TMEM131: variants seen among roughly 807,000 people sequenced by gnomAD.
The protein encoded by TMEM131 is 2610524E03Rik.
Under a neutral mutation model 211.6 loss-of-function variants are expected in TMEM131, and 66 were observed. The ratio of observed to expected loss-of-function variants is 0.31; its 90% confidence interval spans 0.26 to 0.38. The LOEUF is 0.38. Ranked by LOEUF, TMEM131 falls within the 10% of genes least tolerant of loss-of-function variation. TMEM131 has a pLI of 1.00. For synonymous variants in TMEM131, 844 were observed against 841.3 expected, an observed-to-expected ratio of 1.00 and a Z score of -0.06; for missense variants, 2,036 against 2,299.3, an observed-to-expected ratio of 0.89 and a Z score of 2.34.
At chr2:97,803,292 A>T (rs978507173) in intron 22 of TMEM131, among the ~76,000 whole-genome samples, 9 of 152,220 alleles carry the variant, frequency 5.9e-5, no homozygotes, top group African/African-American at 2.2e-4. Flanking sequence ...TGCTTGGCAT[A>T]TGGCTTTTTT....
chr2:97,798,094 T>A (rs1168330516), intron 25 of TMEM131, among the ~76,000 whole-genome samples: 1 of 152,276 alleles, frequency 6.6e-6, no homozygotes, highest in African/African-American at 2.4e-5. Context: ...ACATTTCTCC[T>A]TGAATCTTAT....
chr2:97,796,553 A>G, intron 27 of TMEM131, 149 bp from the exon 28 acceptor site: 1 of 665,780 alleles, frequency 1.5e-6, no homozygotes, highest in Non-Finnish European at 2.5e-6. Flanking sequence ...CTCAGATTTC[A>G]TCATGAGGTA....
intron 1 of TMEM131, among the ~76,000 whole-genome samples, chr2:97,943,016 GAAAAGAAAAGAAAAGAAAAGAA>G (rs1422737548): frequency 9.7e-6 from 1 of 103,196 alleles, no homozygotes; most frequent in East Asian, 3.1e-4. Context: ...AGAAAGAAAA[GAAAAGAAAAGAAAAGAAAAGAA>G]AAGAAAGAAA....
At chr2:97,809,331 A>T (rs1681447087) in intron 19 of TMEM131, among the ~76,000 whole-genome samples, 1 of 152,084 alleles carries the variant, frequency 6.6e-6, no homozygotes, top group Non-Finnish European at 1.5e-5. Context: ...CCCTAGATTC[A>T]CGTCTCTGCC....
At chr2:97,869,991 T>C (rs1674427849) in intron 4 of TMEM131, among the ~76,000 whole-genome samples, 1 of 152,216 alleles carries the variant, frequency 6.6e-6, no homozygotes, top group South Asian at 2.1e-4. Flanking sequence ...AAAATTCGGG[T>C]TGCTTTCAGT....
chr2:97,991,420 T>C (rs1362439678), intron 1 of TMEM131, among the ~76,000 whole-genome samples: 1 of 152,108 alleles, frequency 6.6e-6, no homozygotes, highest in Non-Finnish European at 1.5e-5. Flanking sequence ...AAAGAGGATG[T>C]AACAGGCACT....
intron 5 of TMEM131, among the ~76,000 whole-genome samples, chr2:97,845,140 C>T (rs1390662117): frequency 6.8e-6 from 1 of 148,096 alleles, no homozygotes; most frequent in East Asian, 2.2e-4. Flanking sequence ...AGAATAATTA[C>T]AATAATTCAC....
At chr2:97,978,453 G>A (rs1211506233) in intron 1 of TMEM131, among the ~76,000 whole-genome samples, 2 of 152,138 alleles carry the variant, frequency 1.3e-5, no homozygotes, top group Non-Finnish European at 2.9e-5. Flanking sequence ...CCAGGCTGGA[G>A]TGCTTACTGC....
At chr2:97,781,091 A>AGCTCTTCT (rs1461245744) in intron 31 of TMEM131, among the ~76,000 whole-genome samples, 1 of 152,132 alleles carries the variant, frequency 6.6e-6, no homozygotes, top group Non-Finnish European at 1.5e-5. Context: ...CTGGACATGA[A>AGCTCTTCT]GCTCTTCTGC....
chr2:97,944,051 C>T (rs1677921258), intron 1 of TMEM131, among the ~76,000 whole-genome samples: 1 of 152,094 alleles, frequency 6.6e-6, no homozygotes, highest in South Asian at 2.1e-4. Context: ...CACTGCACTC[C>T]AGCCTGGCGA....
At chr2:97,822,685 G>A (rs923706925) in intron 11 of TMEM131, among the ~76,000 whole-genome samples, 1 of 152,122 alleles carries the variant, frequency 6.6e-6, no homozygotes, top group East Asian at 1.9e-4. Context: ...TGTGGTCTAG[G>A]AGGAAAACTA....
intron 6 of TMEM131, among the ~76,000 whole-genome samples, chr2:97,842,678 A>G (rs944986219): frequency 3.9e-5 from 6 of 152,124 alleles, no homozygotes; most frequent in African/African-American, 1.4e-4. Context: ...ATTTGGTGAA[A>G]GACTAGATGT....
chr2:97,812,032 C>T lies in TMEM131; in HGVS notation c.1863+389G>A, dbSNP rs187157378. 5.0e-4 allele frequency among the ~76,000 whole-genome samples: 76 copies of T among 152,288 alleles called. 1 individual carries two copies. The highest frequency in any genetic ancestry group is 1.8e-3 in the African/African-American group (75 of 41,562). On this transcript the variant is annotated intron_variant, in intron 17 of 40. Coordinates refer to ENST00000186436, the MANE Select transcript of TMEM131 (RefSeq NM_015348.2). ...CACTGATACTGAGGCAGTATCTGGA[C>T]AGACGTATTATTGCATAATTGAAAA...
intron 11 of TMEM131, among the ~76,000 whole-genome samples, chr2:97,821,616 G>A (rs1047250705): frequency 8.5e-5 from 13 of 152,154 alleles, no homozygotes; most frequent in African/African-American, 1.4e-4. Flanking sequence ...AAGAAATTCC[G>A]GACACATTTT....
chr2:97,968,728 T>C (rs1021995023), intron 1 of TMEM131, among the ~76,000 whole-genome samples: 4 of 152,138 alleles, frequency 2.6e-5, no homozygotes, highest in Non-Finnish European at 5.9e-5. Flanking sequence ...ATCCAGAAGA[T>C]TATACTCCTT....
In TMEM131 at chr2:97,927,490, G is replaced by A; in HGVS notation, c.188-3C>T. 2 of 1,564,924 alleles carry A rather than the reference G, an allele frequency of 1.3e-6. No homozygotes were observed. Among genetic ancestry groups the A allele is most frequent in the African/African-American group, 1.4e-5 (1 of 73,426 alleles). ...TATGCTCTCTGACTGAACGAATGCT[G>A]TGAAGAAAACAAAACATACCATCAC... On this transcript the variant is annotated splice_polypyrimidine_tract_variant and splice_region_variant and intron_variant, in intron 1 of 40. Transcript: ENST00000186436.
rs1559464422 is a variant in TMEM131 at position 97,943,037 on chromosome 2, A to AAAAGAAAAGAAAAGAAAAG, written c.188-15551_188-15550insCTTTTCTTTTCTTTTCTTT. Among the ~76,000 whole-genome samples, 47 of 66,042 alleles carry AAAAGAAAAGAAAAGAAAAG rather than the reference A, an allele frequency of 7.1e-4. 1 individual carries two copies. The highest frequency in any genetic ancestry group is 2.0e-3 in the South Asian group (4 of 1,994). 43.3% of individuals were successfully genotyped at this position (66,042 alleles called of 152,430 possible). A position where few individuals can be genotyped will look rare whatever the true frequency, so the allele number is the denominator to read the frequency against. On this transcript the variant is annotated intron_variant, in intron 1 of 40. Coordinates refer to ENST00000186436, the MANE Select transcript of TMEM131 (RefSeq NM_015348.2). ...AAAAGAAAAGAAAAGAAAAGAAAAG[A>AAAAGAAAAGAAAAGAAAAG]AAAGAAAGAAAGAAAGAAAGAAAGA... is the stretch of plus-strand genomic sequence containing the variant.
At chr2:97,987,719 T>C (rs1423731713) in intron 1 of TMEM131, among the ~76,000 whole-genome samples, 1 of 152,156 alleles carries the variant, frequency 6.6e-6, no homozygotes, top group Non-Finnish European at 1.5e-5. Flanking sequence ...CATGTTTTAT[T>C]TACAATGACA....
intron 1 of TMEM131, among the ~76,000 whole-genome samples, chr2:97,970,056 C>A (rs916513022): frequency 6.6e-6 from 1 of 152,170 alleles, no homozygotes; most frequent in African/African-American, 2.4e-5. Flanking sequence ...AGAAATGTTT[C>A]CAGAAACGTG....
Sources: allele counts gnomAD v4.1 joint callset (sites outside exome capture counted in the v4.1 genomes callset), GRCh38; gene constraint gnomAD v4.1.1; transcripts MANE v1.5; gene names NCBI Gene and HGNC (gene_info 2026-07-23, HGNC 2026-07-21).